LRRC4C: variants seen among roughly 807,000 people sequenced by gnomAD.
LRRC4C encodes leucine-rich repeat-containing protein 4C.
A neutral mutation model predicts 33.6 loss-of-function variants in LRRC4C; 5 were observed. The ratio of observed to expected loss-of-function variants is 0.15; its 90% confidence interval spans 0.08 to 0.31. LRRC4C has a LOEUF of 0.31. LRRC4C is among the 10% of genes least tolerant of loss of function. The probability of loss-of-function intolerance (pLI) is 1.00; values close to 1 mark genes in which losing one functional copy is unlikely to be tolerated. For missense variants in LRRC4C, 560 were observed against 796.7 expected (o/e 0.70, Z 3.58); for synonymous variants, 329 against 302.0 (o/e 1.09, Z -0.93).
chr11:40,541,447 C>A (rs1447075864), intron 3 of LRRC4C, among the ~76,000 whole-genome samples: 1 of 152,086 alleles, frequency 6.6e-6, no homozygotes, highest in African/African-American at 2.4e-5. Flanking sequence ...ATGGTAAAAG[C>A]CATCTTTTCT....
chr11:41,059,213 T>G (rs77702377), intron 1 of LRRC4C, among the ~76,000 whole-genome samples: 1 of 45,944 alleles, frequency 2.2e-5, no homozygotes, highest in Non-Finnish European at 5.2e-5. Context: ...AATAAAAGTT[T>G]TTTTTTTTTT....
intron 1 of LRRC4C, among the ~76,000 whole-genome samples, chr11:41,080,368 T>TTG (rs1939480882): frequency 6.7e-6 from 1 of 149,526 alleles, no homozygotes; most frequent in African/African-American, 2.5e-5. Flanking sequence ...TTTTTTTGTT[T>TTG]GAGATGGAGT....
chr11:41,077,367 C>A (rs1423885018), intron 1 of LRRC4C, among the ~76,000 whole-genome samples: 6 of 152,224 alleles, frequency 3.9e-5, no homozygotes, highest in African/African-American at 1.4e-4. Flanking sequence ...GCCTGGACAT[C>A]CAGGCATTTC....
At chr11:40,571,256 G>A (rs567508421) in intron 3 of LRRC4C, among the ~76,000 whole-genome samples, 3 of 152,144 alleles carry the variant, frequency 2.0e-5, no homozygotes, top group Non-Finnish European at 2.9e-5. Context: ...TGCTGTTTGA[G>A]TACATCTGAA....
At chr11:41,308,491 G>T (rs1341816053) in intron 1 of LRRC4C, among the ~76,000 whole-genome samples, 1 of 152,106 alleles carries the variant, frequency 6.6e-6, no homozygotes, top group Non-Finnish European at 1.5e-5. Flanking sequence ...CCCCTGCTGG[G>T]TGGGGACAGG....
chr11:41,049,325 T>C (rs1419646714), intron 1 of LRRC4C, among the ~76,000 whole-genome samples: 1 of 152,224 alleles, frequency 6.6e-6, no homozygotes, highest in East Asian at 1.9e-4. Context: ...TCTGCCATGA[T>C]TGTGAGGCAT....
intron 1 of LRRC4C, among the ~76,000 whole-genome samples, chr11:41,374,123 C>A (rs1952854426): frequency 6.6e-6 from 1 of 152,166 alleles, no homozygotes; most frequent in Non-Finnish European, 1.5e-5. Flanking sequence ...ACTTGGGACA[C>A]AAACTGCCTT....
At chr11:40,553,538 A>C (rs1286547294) in intron 3 of LRRC4C, among the ~76,000 whole-genome samples, 1 of 152,162 alleles carries the variant, frequency 6.6e-6, no homozygotes, top group Non-Finnish European at 1.5e-5. Context: ...TGATGTTTCC[A>C]TTCTATCAAA....
At chr11:40,406,483 A>T (rs1178880128) in intron 3 of LRRC4C, among the ~76,000 whole-genome samples, 2 of 152,148 alleles carry the variant, frequency 1.3e-5, no homozygotes, top group Non-Finnish European at 2.9e-5. Context: ...TCCAAATAAG[A>T]GTGTGATGCC....
chr11:41,373,915 A>G (rs192200012), intron 1 of LRRC4C, among the ~76,000 whole-genome samples: 1 of 152,318 alleles, frequency 6.6e-6, no homozygotes. Context: ...GGATAATACC[A>G]TGTGCCCTAT....
chr11:40,165,143 T>A (rs962996479), intron 5 of LRRC4C, among the ~76,000 whole-genome samples: 1 of 152,202 alleles, frequency 6.6e-6, no homozygotes, highest in East Asian at 1.9e-4. Context: ...ACTAGGTGTA[T>A]AATTGTATTT....
At chr11:40,691,003 A>G in intron 2 of LRRC4C, among the ~76,000 whole-genome samples, 1 of 152,094 alleles carries the variant, frequency 6.6e-6, no homozygotes, top group South Asian at 2.1e-4. Flanking sequence ...GAAGTGGTAA[A>G]GTTCACAACA....
intron 1 of LRRC4C, among the ~76,000 whole-genome samples, chr11:40,960,737 C>A (rs1405014894): frequency 2.0e-5 from 3 of 151,666 alleles, no homozygotes; most frequent in African/African-American, 7.3e-5. Context: ...GAAATAGATT[C>A]TGAAACTTGG....
At chr11:40,852,689 C>A (rs910834009) in intron 2 of LRRC4C, among the ~76,000 whole-genome samples, 1 of 152,028 alleles carries the variant, frequency 6.6e-6, no homozygotes, top group Non-Finnish European at 1.5e-5. Flanking sequence ...GGATAAAAAT[C>A]TTTACAAGCT....
intron 2 of LRRC4C, among the ~76,000 whole-genome samples, chr11:40,877,626 G>A (rs1174440095): frequency 6.6e-6 from 1 of 152,154 alleles, no homozygotes; most frequent in Non-Finnish European, 1.5e-5. Context: ...TAGCTGGCAT[G>A]ATCAACTCTT....
At chr11:40,279,192 C>T (rs546476159) in intron 4 of LRRC4C, among the ~76,000 whole-genome samples, 7 of 152,106 alleles carry the variant, frequency 4.6e-5, no homozygotes, top group Middle Eastern at 3.2e-3. Context: ...TTTTGCTTAA[C>T]CTCGCTAGAC....
At chr11:41,207,905 G>A (rs1313233816) in intron 1 of LRRC4C, among the ~76,000 whole-genome samples, 1 of 152,156 alleles carries the variant, frequency 6.6e-6, no homozygotes, top group Non-Finnish European at 1.5e-5. Context: ...AAGTGGCTTT[G>A]ACCCTGGGTG....
At chr11:40,327,512 AT>A (rs1423812485) in intron 3 of LRRC4C, among the ~76,000 whole-genome samples, 1 of 152,230 alleles carries the variant, frequency 6.6e-6, no homozygotes, top group African/African-American at 2.4e-5. Flanking sequence ...GAGAAGCGAT[AT>A]TCATCAAAAG....
intron 1 of LRRC4C, among the ~76,000 whole-genome samples, chr11:41,252,162 T>C (rs982686713): frequency 6.6e-6 from 1 of 152,166 alleles, no homozygotes; most frequent in African/African-American, 2.4e-5. Flanking sequence ...AATTCAACTC[T>C]GTTGAAACAA....
Sources: allele counts gnomAD v4.1 joint callset (sites outside exome capture counted in the v4.1 genomes callset), GRCh38; gene constraint gnomAD v4.1.1; transcripts MANE v1.5; gene names NCBI Gene and HGNC (gene_info 2026-07-23, HGNC 2026-07-21).